CTNND2: variants seen among roughly 807,000 people sequenced by gnomAD.
The protein encoded by CTNND2 is catenin delta 2, also known as catenin delta-2.
Under a neutral mutation model 144.4 loss-of-function variants are expected in CTNND2, and 22 were observed. The ratio of observed to expected loss-of-function variants is 0.15; its 90% confidence interval spans 0.11 to 0.22. CTNND2 has a LOEUF of 0.22. Ranked by LOEUF, CTNND2 falls within the 10% of genes least tolerant of loss-of-function variation. The pLI is 1.00. For synonymous variants in CTNND2, 751 were observed against 695.6 expected (o/e 1.08, Z -1.25); for missense variants, 1,353 against 1,618.8 (o/e 0.84, Z 2.82).
intron 1 of CTNND2, among the ~76,000 whole-genome samples, chr5:11,732,920 A>G (rs1787473124): frequency 6.6e-6 from 1 of 151,924 alleles, no homozygotes; most frequent in South Asian, 2.1e-4. Context: ...TGGGGAAAAA[A>G]ATGCTGATGT....
At chr5:11,500,662 T>G (rs568301348) in intron 3 of CTNND2, among the ~76,000 whole-genome samples, 1 of 152,160 alleles carries the variant, frequency 6.6e-6, no homozygotes, top group Non-Finnish European at 1.5e-5. Context: ...AAATGAATAT[T>G]CCAGGTAATC....
chr5:11,899,654 A>G (rs1246411776), intron 1 of CTNND2, among the ~76,000 whole-genome samples: 1 of 152,210 alleles, frequency 6.6e-6, no homozygotes, highest in Non-Finnish European at 1.5e-5. Flanking sequence ...CTGTCTTAAT[A>G]TGTATATATT....
chr5:11,558,255 G>T (rs1356359883), intron 3 of CTNND2, among the ~76,000 whole-genome samples: 2 of 152,038 alleles, frequency 1.3e-5, no homozygotes, highest in Non-Finnish European at 2.9e-5. Flanking sequence ...AACATGTCAA[G>T]GTCACGTACA....
Position 11,808,881 on chromosome 5 carries a change from G to C in CTNND2, c.38-76609C>G, listed in dbSNP as rs61761657. 6.4e-3 allele frequency among the ~76,000 whole-genome samples: 979 copies of C among 152,186 alleles called. 20 individuals are homozygous for C. The highest frequency in any genetic ancestry group is 0.022 in the African/African-American group (927 of 41,546). ...TATTGAAAGTGGAAATGAAAATATT[G>C]ACAACTGCAGACAAAACATCCACGA... On this transcript the variant is annotated intron_variant, in intron 1 of 21. Coordinates refer to ENST00000304623, the MANE Select transcript of CTNND2 (RefSeq NM_001332.4).
At chr5:11,851,684 G>A (rs1795021175) in intron 1 of CTNND2, among the ~76,000 whole-genome samples, 1 of 152,222 alleles carries the variant, frequency 6.6e-6, no homozygotes. Context: ...ATTTTGGGGA[G>A]TTTGCTTGGC....
At chr5:11,333,610 G>A (rs948423102) in intron 9 of CTNND2, among the ~76,000 whole-genome samples, 1 of 152,138 alleles carries the variant, frequency 6.6e-6, no homozygotes, top group African/African-American at 2.4e-5. Context: ...CTTAAAGGCT[G>A]GAAACAACAA....
chr5:11,055,647 G>T (rs73045989), intron 16 of CTNND2, among the ~76,000 whole-genome samples: 26,247 of 152,086 alleles, frequency 0.17, 4,245 homozygotes, highest in East Asian at 0.57. Flanking sequence ...CCCCAGTTAG[G>T]ACCTAAGTTA....
At chr5:11,127,280 G>C (rs1754771328) in intron 12 of CTNND2, among the ~76,000 whole-genome samples, 1 of 152,206 alleles carries the variant, frequency 6.6e-6, no homozygotes, top group Non-Finnish European at 1.5e-5. Context: ...TCTGGCCACA[G>C]GACAGCCCAG....
At chr5:10,981,880 G>A (rs754236397) in intron 20 of CTNND2, 34 bp from the exon 21 acceptor site, 8 of 1,556,144 alleles carry the variant, frequency 5.1e-6, no homozygotes, top group Non-Finnish European at 7.1e-6. Flanking sequence ...GTTTAGCAAA[G>A]AAAACAACAT....
intron 3 of CTNND2, among the ~76,000 whole-genome samples, chr5:11,423,773 T>C (rs534028654): frequency 2.6e-5 from 4 of 152,352 alleles, no homozygotes; most frequent in South Asian, 4.1e-4. Flanking sequence ...ACCCTGAATA[T>C]TGGATTTGAC....
chr5:11,518,580 G>C (rs1278388694), intron 3 of CTNND2, among the ~76,000 whole-genome samples: 1 of 152,158 alleles, frequency 6.6e-6, no homozygotes, highest in African/African-American at 2.4e-5. Flanking sequence ...GCGACTTCCA[G>C]TCCTGCAAGC....
At chr5:11,495,501 A>T (rs948245622) in intron 3 of CTNND2, among the ~76,000 whole-genome samples, 2 of 152,210 alleles carry the variant, frequency 1.3e-5, no homozygotes, top group Non-Finnish European at 2.9e-5. Flanking sequence ...AAAGGACTCA[A>T]GTCAACTGAG....
chr5:11,356,888 C>T (rs1418461946), intron 8 of CTNND2, among the ~76,000 whole-genome samples: 2 of 151,082 alleles, frequency 1.3e-5, no homozygotes, highest in Non-Finnish European at 3.0e-5. Context: ...TGACATTTCT[C>T]AATACAAGAC....
At chr5:11,589,210 C>T (rs978098692) in intron 2 of CTNND2, among the ~76,000 whole-genome samples, 17 of 151,276 alleles carry the variant, frequency 1.1e-4, no homozygotes, top group African/African-American at 3.2e-4. Context: ...CTGGCAAATT[C>T]TAGTTTTCTA....
At chr5:11,191,571 T>C (rs1736243929) in intron 11 of CTNND2, among the ~76,000 whole-genome samples, 1 of 152,184 alleles carries the variant, frequency 6.6e-6, no homozygotes, top group South Asian at 2.1e-4. Flanking sequence ...TGGAGACATC[T>C]GCGGGATGCC....
intron 7 of CTNND2, among the ~76,000 whole-genome samples, chr5:11,383,894 G>A (rs1189044006): frequency 6.6e-6 from 1 of 152,178 alleles, no homozygotes; most frequent in Non-Finnish European, 1.5e-5. Flanking sequence ...AGGCACCAGC[G>A]CAGCCTGGTC....
intron 3 of CTNND2, among the ~76,000 whole-genome samples, chr5:11,536,651 C>T (rs1774240720): frequency 6.6e-6 from 1 of 151,950 alleles, no homozygotes; most frequent in Non-Finnish European, 1.5e-5. Flanking sequence ...TGTATGTTCT[C>T]ACTTGCAAGT....
intron 9 of CTNND2, among the ~76,000 whole-genome samples, chr5:11,283,019 G>A (rs577824302): frequency 6.6e-6 from 1 of 152,254 alleles, no homozygotes; most frequent in South Asian, 2.1e-4. Flanking sequence ...CTCAAGCTCA[G>A]CCTGATTTAA....
chr5:11,770,409 AAGGAAAGAAGG>A (rs905153029), intron 1 of CTNND2, among the ~76,000 whole-genome samples: 4 of 7,706 alleles, frequency 5.2e-4, no homozygotes, highest in South Asian at 0.17. Context: ...AACAGAAAAA[AAGGAAAGAAGG>A]AAGGAAGGAA....
Sources: allele counts gnomAD v4.1 joint callset (sites outside exome capture counted in the v4.1 genomes callset), GRCh38; gene constraint gnomAD v4.1.1; transcripts MANE v1.5; gene names NCBI Gene and HGNC (gene_info 2026-07-23, HGNC 2026-07-21).